ZHX2: variants seen among roughly 807,000 people sequenced by gnomAD.
The protein encoded by ZHX2 is zinc fingers and homeoboxes protein 2.
ZHX2 carries 6 observed loss-of-function variants against 21.9 expected under a neutral mutation model. That is an observed-to-expected ratio of 0.27 (90% CI 0.15 to 0.54). The LOEUF is 0.54. Ranked by LOEUF, ZHX2 falls within the 20% of genes least tolerant of loss-of-function variation. The probability of loss-of-function intolerance (pLI) is 0.95; values close to 1 mark genes in which losing one functional copy is unlikely to be tolerated. For missense variants in ZHX2, 908 were observed against 1,090.7 expected (o/e 0.83, Z 2.36); for synonymous variants, 434 against 437.1 (o/e 0.99, Z 0.09).
intron 1 of ZHX2, among the ~76,000 whole-genome samples, chr8:122,858,483 C>CTTAT (rs1819084258): frequency 6.6e-6 from 1 of 152,054 alleles, no homozygotes; most frequent in Admixed American, 6.5e-5. Context: ...ATGCCACTGG[C>CTTAT]TTATTTTTCC....
At chr8:122,858,638 C>CTTTTTTT (rs34399149) in intron 1 of ZHX2, among the ~76,000 whole-genome samples, 4 of 82,744 alleles carry the variant, frequency 4.8e-5, no homozygotes, top group African/African-American at 8.6e-5. Context: ...TTCTTTCTTT[C>CTTTTTTT]TTTTTTTTTT....
At chr8:122,924,156 C>T (rs1487857646) in intron 2 of ZHX2, among the ~76,000 whole-genome samples, 1 of 152,202 alleles carries the variant, frequency 6.6e-6, no homozygotes, top group Non-Finnish European at 1.5e-5. Context: ...TCATTGTCTT[C>T]TAGTTCTGGA....
chr8:122,856,085 T>C (rs1405060929), intron 1 of ZHX2, among the ~76,000 whole-genome samples: 1 of 152,214 alleles, frequency 6.6e-6, no homozygotes, highest in Non-Finnish European at 1.5e-5. Context: ...ACTTTTATAA[T>C]ATTATTTAGT....
At chr8:122,858,266 T>G (rs145512390) in intron 1 of ZHX2, among the ~76,000 whole-genome samples, 23 of 152,362 alleles carry the variant, frequency 1.5e-4, no homozygotes, top group African/African-American at 5.5e-4. Context: ...ATGGCCTTTT[T>G]ACTAGACCTG....
chr8:122,889,752 A>G (rs1372032255), intron 2 of ZHX2, among the ~76,000 whole-genome samples: 1 of 152,222 alleles, frequency 6.6e-6, no homozygotes, highest in African/African-American at 2.4e-5. Context: ...CACAGGATGC[A>G]AAACCTGCAT....
chr8:122,864,973 G>A (rs1377253541), intron 2 of ZHX2, among the ~76,000 whole-genome samples: 1 of 152,166 alleles, frequency 6.6e-6, no homozygotes, highest in Non-Finnish European at 1.5e-5. Context: ...CTCTGTGGGA[G>A]GCCAGAGACG....
At chr8:122,902,248 A>G (rs772539943) in intron 2 of ZHX2, among the ~76,000 whole-genome samples, 1 of 152,232 alleles carries the variant, frequency 6.6e-6, no homozygotes, top group Non-Finnish European at 1.5e-5. Flanking sequence ...TTGAGGATAC[A>G]AAAATGAGTA....
intron 3 of ZHX2, among the ~76,000 whole-genome samples, chr8:122,968,610 G>A (rs186263420): frequency 2.4e-4 from 37 of 152,230 alleles, no homozygotes; most frequent in Admixed American, 1.9e-3. Context: ...AGGCCAAGGC[G>A]GGTGGGTTAC....
At chr8:122,921,648 A>AAG (rs376224475) in intron 2 of ZHX2, among the ~76,000 whole-genome samples, 29 of 149,406 alleles carry the variant, frequency 1.9e-4, no homozygotes, top group Admixed American at 8.0e-4. Context: ...CCCATCAAGA[A>AAG]AGAGAGAGAG....
chr8:122,845,935 G>A (rs575521350), intron 1 of ZHX2, among the ~76,000 whole-genome samples: 6 of 152,318 alleles, frequency 3.9e-5, no homozygotes, highest in South Asian at 4.1e-4. Context: ...AAGTTTAAGC[G>A]GGAGAGCGCT....
intron 1 of ZHX2, among the ~76,000 whole-genome samples, chr8:122,851,036 C>T (rs913962756): frequency 3.3e-5 from 5 of 151,926 alleles, no homozygotes; most frequent in Admixed American, 1.3e-4. Flanking sequence ...TCATTGTGGT[C>T]TTCTCCCTCA....
intron 2 of ZHX2, among the ~76,000 whole-genome samples, chr8:122,930,945 C>T (rs548365082): frequency 8.4e-5 from 11 of 131,284 alleles, no homozygotes; most frequent in Middle Eastern, 3.8e-3. Context: ...ATCCCTTTTT[C>T]GGCCCAAAGC....
intron 2 of ZHX2, among the ~76,000 whole-genome samples, chr8:122,911,038 T>A (rs1820467971): frequency 6.6e-6 from 1 of 152,140 alleles, no homozygotes; most frequent in African/African-American, 2.4e-5. Context: ...TAGGAGGTGT[T>A]GTAATACACC....
chr8:122,864,841 G>A (rs1275903511), intron 2 of ZHX2, among the ~76,000 whole-genome samples: 9 of 152,202 alleles, frequency 5.9e-5, no homozygotes, highest in African/African-American at 7.2e-5. Flanking sequence ...CACCCATTGC[G>A]CTTGGGAGGG....
intron 2 of ZHX2, among the ~76,000 whole-genome samples, chr8:122,933,665 AT>A (rs879480339): frequency 7.2e-5 from 11 of 152,216 alleles, no homozygotes; most frequent in Non-Finnish European, 1.3e-4. Context: ...TTAAAAAAAA[AT>A]AAAACAAGAT....
chr8:122,941,888 G>A (rs376558036), intron 2 of ZHX2, among the ~76,000 whole-genome samples: 2 of 152,122 alleles, frequency 1.3e-5, no homozygotes, highest in South Asian at 4.1e-4. Context: ...TTCATGAATT[G>A]GTATTTTTAC....
chr8:122,869,396 C>T (rs1402152164), intron 2 of ZHX2, among the ~76,000 whole-genome samples: 4 of 151,440 alleles, frequency 2.6e-5, no homozygotes, highest in African/African-American at 9.7e-5. Context: ...GCTGCGATCT[C>T]GGCTCACTGC....
intron 1 of ZHX2, among the ~76,000 whole-genome samples, chr8:122,839,174 G>A (rs1818568606): frequency 6.6e-6 from 1 of 151,572 alleles, no homozygotes; most frequent in African/African-American, 2.4e-5. Context: ...GCACACACTA[G>A]AATGTGGCAT....
chr8:122,886,706 G>A lies in ZHX2; in HGVS notation c.-220+23167G>A, dbSNP rs116199945. 5.5e-3 allele frequency among the ~76,000 whole-genome samples: 836 copies of A among 152,264 alleles called. 6 individuals carry two copies. Among genetic ancestry groups the A allele is most frequent in the African/African-American group, 0.019 (805 of 41,564 alleles). Reference sequence around the variant, plus strand: ...ATATAACAGAATTAACAAAATTATTGTAATCATAATAGTGAACACTTAACT... The same window carrying A: ...ATATAACAGAATTAACAAAATTATTATAATCATAATAGTGAACACTTAACT... On this transcript the variant is annotated intron_variant, in intron 2 of 3. Coordinates refer to ENST00000314393, the MANE Select transcript of ZHX2 (RefSeq NM_014943.5).
Sources: gnomAD v4.1 joint callset for allele counts (sites outside exome capture counted in the v4.1 genomes callset) on GRCh38, gnomAD v4.1.1 for gene constraint, MANE v1.5 for transcripts, NCBI Gene and HGNC (gene_info 2026-07-23, HGNC 2026-07-21) for gene names.